Variants in VPS13A observed in about 807,000 individuals in gnomAD.
VPS13A encodes the protein vacuolar protein sorting 13 homolog A, also known as intermembrane lipid transfer protein VPS13A.
In VPS13A, 264 loss-of-function variants were observed where a neutral mutation model predicts 390.9. The ratio of observed to expected loss-of-function variants is 0.68; its 90% CI spans 0.61 to 0.75. The LOEUF (loss-of-function observed/expected upper bound fraction) is 0.75, where lower values mean the gene tolerates loss of function less well. VPS13A is among the 30% of genes least tolerant of loss of function. The pLI is 0.00. For synonymous variants in VPS13A, 1,231 were observed against 1,227.1 expected (o/e 1.00, Z -0.07); for missense variants, 3,409 against 3,733.9 (o/e 0.91, Z 2.27).
At chr9:77,191,988 G>A (rs1050380265) in intron 1 of VPS13A, among the ~76,000 whole-genome samples, 1 of 152,152 alleles carries the variant, frequency 6.6e-6, no homozygotes, top group African/African-American at 2.4e-5. Flanking sequence ...GCAAGTCTCT[G>A]TAGGTCTCTG....
At chr9:77,246,116 A>G (rs1000503115) in intron 19 of VPS13A, among the ~76,000 whole-genome samples, 13 of 152,220 alleles carry the variant, frequency 8.5e-5, no homozygotes, top group African/African-American at 2.9e-4. Context: ...TCCAGCATTA[A>G]AAATCAGGTG....
intron 23 of VPS13A, among the ~76,000 whole-genome samples, chr9:77,268,953 A>T: frequency 6.6e-6 from 1 of 151,884 alleles, no homozygotes; most frequent in Non-Finnish European, 1.5e-5. Flanking sequence ...AAAAAAAAAA[A>T]AGAAAGTGAG....
chr9:77,245,130 G>A (rs1287973785), intron 19 of VPS13A, among the ~76,000 whole-genome samples: 1 of 152,098 alleles, frequency 6.6e-6, no homozygotes, highest in East Asian at 1.9e-4. Context: ...TGGAAAATAG[G>A]GGAGAGACCC....
rs150408384 is a variant in VPS13A, at chr9:77,192,195, A to G, written c.101-7750A>G. Reference sequence around the variant, plus strand: ...CCCTTTTTTGTTTTACTTGCTTGATAGATCTTTCTCCATTCCTTTACTTTG... The same window carrying G: ...CCCTTTTTTGTTTTACTTGCTTGATGGATCTTTCTCCATTCCTTTACTTTG... On this transcript the variant is annotated intron_variant, in intron 1 of 71. Coordinates refer to ENST00000360280, the MANE Select transcript of VPS13A (RefSeq NM_033305.3). Among the ~76,000 whole-genome samples, 58 of 152,250 alleles carry G rather than the reference A, an allele frequency of 3.8e-4. No individual in the cohort carries two copies. The East Asian group carries it at 0.011, about 29-fold the overall frequency.
chr9:77,351,814 A>T lies in VPS13A; in HGVS notation c.7419+368A>T, dbSNP rs181585829. Among the ~76,000 whole-genome samples, 255 of 152,258 alleles carry T rather than the reference A, an allele frequency of 1.7e-3. 2 individuals carry two copies. The highest frequency in any genetic ancestry group is 5.5e-3 in the African/African-American group (230 of 41,566). On this transcript the variant is annotated intron_variant, in intron 53 of 71. Coordinates refer to ENST00000360280, the MANE Select transcript of VPS13A (RefSeq NM_033305.3). ...AACCCGGGAGGCAGCGATTGCAGTG[A>T]GCCAAGATCACGCCACTGCACTCCA...
intron 10 of VPS13A, among the ~76,000 whole-genome samples, 154 bp downstream of exon 10, chr9:77,214,540 A>G (rs572142381): frequency 4.3e-4 from 66 of 152,226 alleles, no homozygotes; most frequent in African/African-American, 1.5e-3. Context: ...ATAATATTAT[A>G]TTTTTTAGTA....
Position 77,339,519 on chromosome 9 carries a change from A to C in VPS13A, c.6382A>C (p.Ile2128Leu). ...GTTTTTTTTTTTTTTATTACAGGGA[A>C]TTGAAAATTCGGTTTTTACTCTAAG... The part of the protein sequence containing the change: ...PYKIAYYIEG[I>L]ENSVFTLSEG... The change falls in exon 48 of 72, where the codon ATT (isoleucine) becomes CTT (leucine). Residue 2128 changes from isoleucine to leucine, a missense_variant. Physicochemically the swap from Ile to Leu is conservative, Grantham distance 5. Transcript: ENST00000360280. 2 of 1,535,618 alleles carry C rather than the reference A, an allele frequency of 1.3e-6. No individual in the cohort carries two copies. Among genetic ancestry groups the C allele is most frequent in the Non-Finnish European group, 1.8e-6 (2 of 1,141,742 alleles).
chr9:77,356,818 A>C lies in VPS13A; in HGVS notation c.7757A>C (p.Glu2586Ala), dbSNP rs1831810638. The change falls in exon 55 of 72, where the codon GAA (glutamate) becomes GCA (alanine). Residue 2586 changes from glutamate (E) to alanine (A), a missense_variant. Physicochemically the swap from Glu to Ala is moderately radical, Grantham distance 107 (BLOSUM62 -1). Coordinates refer to ENST00000360280, the MANE Select transcript of VPS13A (RefSeq NM_033305.3). ...GAGAGAGAATTTAAGGAATATACTG[A>C]ATCTTCTCCTTCAGAAGATAAGGTT... ...KLEREFKEYT[E>A]SSPSEDKVIQ... The C allele has an allele frequency of 6.2e-7, 1 of 1,613,844 alleles. No individual in the cohort carries two copies. The highest frequency in any genetic ancestry group is 8.5e-7 in the Non-Finnish European group (1 of 1,179,860).
At chr9:77,305,444 A>G (rs1828681301) in intron 34 of VPS13A, 1 of 150,350 alleles carries the variant, frequency 6.7e-6, no homozygotes, top group South Asian at 2.1e-4. Context: ...CTTATAAAAC[A>G]TAAATATTAT....
intron 3 of VPS13A, 57 bp from the exon 4 acceptor site, chr9:77,205,256 A>G: frequency 1.1e-6 from 1 of 940,754 alleles, no homozygotes; most frequent in South Asian, 1.9e-5. Flanking sequence ...CTAACCATAA[A>G]TGCAGGTTGA....
chr9:77,287,645 C>T (rs1173377067), intron 31 of VPS13A, among the ~76,000 whole-genome samples: 7 of 152,096 alleles, frequency 4.6e-5, no homozygotes, highest in Non-Finnish European at 8.8e-5. Context: ...TAATAATTCA[C>T]GTGGCGTATT....
rs776104174 is a variant in VPS13A, at chr9:77,221,198, A to C, written c.1003A>C (p.Ile335Leu). Residue 335 changes from isoleucine (I) to leucine (L), a missense_variant, in exon 13 of 72, where the codon ATA becomes CTA. Physicochemically the swap from Ile to Leu is conservative, Grantham distance 5. Transcript: ENST00000360280. Reference protein sequence around the residue: ...HHAREWWAYAIHGVLEVNVCP... With the variant: ...HHAREWWAYALHGVLEVNVCP... ...TTTTTTAACTAGGTGGGCTTATGCT[A>C]TACATGGCGTTCTTGAAGTAAATGT... The C allele has an allele frequency of 6.2e-7, 1 of 1,613,278 alleles. No homozygotes were observed. The highest frequency in any genetic ancestry group is 1.3e-5 in the African/African-American group (1 of 74,866).
rs1587612257 is a variant in VPS13A, at chr9:77,337,440, AT to A, written c.6283del (p.Ser2095GlnfsTer10). ...EKDNLTSLSV[Y>X]SEDGWDLPYI... ...GATAATTTAACATCTCTATCAGTGTATTCAGAAGATGGTTGGGATTTACCAT... is the reference window on the plus strand; with the variant it reads ...GATAATTTAACATCTCTATCAGTGTATCAGAAGATGGTTGGGATTTACCAT... On this transcript the variant is annotated frameshift_variant, in exon 47 of 72. Coordinates refer to ENST00000360280, the MANE Select transcript of VPS13A (RefSeq NM_033305.3). LOFTEE classifies it high-confidence loss of function. The A allele has an allele frequency of 3.7e-6, 6 of 1,613,118 alleles. No homozygotes were observed. The highest frequency in any genetic ancestry group is 5.1e-6 in the Non-Finnish European group (6 of 1,179,226).
At chr9:77,307,544 T>G (rs201412830) in intron 34 of VPS13A, among the ~76,000 whole-genome samples, 12 of 152,204 alleles carry the variant, frequency 7.9e-5, no homozygotes, top group Non-Finnish European at 4.4e-5. Context: ...GTAAAACACA[T>G]TGTGAACTCT....
In VPS13A at chr9:77,214,347, A is replaced by G. The variant is rs1415718307; in HGVS notation, c.715A>G (p.Ile239Val). 6.2e-7 allele frequency: 1 copy of G among 1,612,922 alleles called. No individual in the cohort carries two copies. Among genetic ancestry groups the G allele is most frequent in the South Asian group, 1.1e-5 (1 of 91,070 alleles). ...DNSLDDLKNG[I>V]VNENIVPEGY... is the part of the protein sequence containing the mutation. Reference sequence around the variant, plus strand: ...TTAATAGGACGACTTGAAGAATGGCATTGTCAATGAAAATATTGTTCCAGA... The same window carrying G: ...TTAATAGGACGACTTGAAGAATGGCGTTGTCAATGAAAATATTGTTCCAGA... The change falls in exon 10 of 72, where the codon ATT becomes GTT. Residue 239 changes from isoleucine (I) to valine (V), a missense_variant. Physicochemically the swap from Ile to Val is conservative, Grantham distance 29 (BLOSUM62 3). This residue lies in a region of VPS13A where 2,717 missense variants were observed against 2,917.4 expected (regional missense o/e 0.93). Coordinates refer to ENST00000360280, the MANE Select transcript of VPS13A (RefSeq NM_033305.3).
chr9:77,202,518 A>T (rs1356252466), intron 3 of VPS13A, among the ~76,000 whole-genome samples: 2 of 152,132 alleles, frequency 1.3e-5, no homozygotes. Flanking sequence ...CAGTGAATGC[A>T]TATTTGGATA....
At position 77,220,045 on chromosome 9, in the gene VPS13A, G is replaced by A. The variant is rs376954549; in HGVS notation, c.846G>A (p.Glu282=). 1.5e-5 allele frequency: 24 copies of A among 1,611,792 alleles called. No homozygotes were observed. The African/African-American group carries it at 3.1e-4, about 21-fold the overall frequency. The part of the protein sequence containing the change: ...FSAPKINLEI[E]LHNIAIEFNK... ...CCCCCAAAATAAACTTGGAAATTGA[G>A]TTACATAACATAGCAATTGAATTTA... Residue 282 remains glutamate, a synonymous_variant, in exon 11 of 72, where the codon GAG becomes GAA. Coordinates refer to ENST00000360280, the MANE Select transcript of VPS13A (RefSeq NM_033305.3).
intron 67 of VPS13A, among the ~76,000 whole-genome samples, chr9:77,374,162 T>C (rs1832945641): frequency 6.6e-6 from 1 of 152,206 alleles, no homozygotes; most frequent in Admixed American, 6.5e-5. Flanking sequence ...TAAGTTGTTA[T>C]AGTAGTCCCT....
intron 68 of VPS13A, chr9:77,395,968 A>G (rs1272883497): frequency 2.0e-5 from 3 of 152,206 alleles, no homozygotes; most frequent in Admixed American, 6.5e-5. Context: ...GCTCTGAATT[A>G]TACAGTATTT....
Sources: gnomAD v4.1 joint callset for allele counts (sites outside exome capture counted in the v4.1 genomes callset) on GRCh38, gnomAD v4.1.1 for gene constraint, gnomAD v4.1.1 regional missense constraint, MANE v1.5 for transcripts, NCBI Gene and HGNC (gene_info 2026-07-23, HGNC 2026-07-21) for gene names.